Variants in AMY2A observed in about 807,000 individuals in gnomAD.
AMY2A encodes the protein amylase alpha 2A, also known as pancreatic alpha-amylase.
A neutral mutation model predicts 43.0 loss-of-function variants in AMY2A; 16 were observed. The observed-to-expected ratio is 0.37, with a 90% CI of 0.25 to 0.56. The LOEUF is 0.56. AMY2A is among the 20% of genes least tolerant of loss of function. AMY2A has a pLI of 0.77. For missense variants in AMY2A, 212 were observed against 456.8 expected (o/e 0.46, Z 4.89); for synonymous variants, 70 against 144.6 (o/e 0.48, Z 3.70).
chr1:103,618,895 A>G lies in AMY2A; in HGVS notation c.316-16A>G. ...CTCTCTGTAAGTCACACTGAAGTAGAAACTTTGTTTTCTAGGTTCGTATTT... is the reference window on the plus strand; with the variant it reads ...CTCTCTGTAAGTCACACTGAAGTAGGAACTTTGTTTTCTAGGTTCGTATTT... On this transcript the variant is annotated splice_polypyrimidine_tract_variant and intron_variant, in intron 2 of 9. Coordinates refer to ENST00000414303, the MANE Select transcript of AMY2A (RefSeq NM_000699.4). 1.0e-6 allele frequency: 1 copy of G among 974,622 alleles called. No individual in the cohort carries two copies. Among genetic ancestry groups the G allele is most frequent in the Non-Finnish European group, 1.5e-6 (1 of 670,382 alleles). 60.4% of individuals were successfully genotyped at this position (974,622 alleles called of 1,614,324 possible).
rs749233718 is a variant in AMY2A at position 103,619,023 on chromosome 1, C to G, written c.428C>G (p.Ala143Gly). ...YFNPGSRDFP[A>G]VPYSGWDFND... Reference sequence around the variant, plus strand: ...AACCCTGGAAGTAGGGACTTTCCAGCAGTCCCATATTCTGGATGGGATTTC... The same window carrying G: ...AACCCTGGAAGTAGGGACTTTCCAGGAGTCCCATATTCTGGATGGGATTTC... The change falls in exon 3 of 10, where the codon GCA becomes GGA. Residue 143 changes from alanine (A) to glycine (G), a missense_variant. By Grantham distance (60) the Ala-to-Gly change is moderately conservative. This residue lies in a region of AMY2A where 199 missense variants were observed against 210.6 expected (regional missense o/e 0.94). Coordinates refer to ENST00000414303, the MANE Select transcript of AMY2A (RefSeq NM_000699.4). 3 of 1,310,132 alleles carry G rather than the reference C, an allele frequency of 2.3e-6. No individual in the cohort carries two copies. Among genetic ancestry groups the G allele is most frequent in the Non-Finnish European group, 1.0e-6 (1 of 966,272 alleles). 81.2% of individuals were successfully genotyped at this position (1,310,132 alleles called of 1,614,324 possible).
At chr1:103,617,770 T>C (rs1441877120) in intron 1 of AMY2A, among the ~76,000 whole-genome samples, 162 bp downstream of exon 1, 2 of 150,696 alleles carry the variant, frequency 1.3e-5, no homozygotes, top group African/African-American at 4.8e-5. Context: ...TTGGCAACTT[T>C]ATATTTTGTT....
intron 2 of AMY2A, among the ~76,000 whole-genome samples, chr1:103,618,381 A>G (rs536557674): frequency 1.3e-5 from 2 of 150,816 alleles, no homozygotes; most frequent in African/African-American, 2.4e-5. Flanking sequence ...CCCGGAAACA[A>G]TTTACTGGTT....
chr1:103,618,227 A>C (rs1193127102), intron 2 of AMY2A, 127 bp downstream of exon 2: 1 of 1,397,364 alleles, frequency 7.2e-7, no homozygotes. Context: ...ATAATTTAAA[A>C]CTCAAAATTA....
At chr1:103,618,277 T>C (rs1311610655) in intron 2 of AMY2A, among the ~76,000 whole-genome samples, 177 bp downstream of exon 2, 2 of 150,856 alleles carry the variant, frequency 1.3e-5, no homozygotes, top group Non-Finnish European at 3.0e-5. Context: ...TATTTGTGTG[T>C]GTGCTATCTA....
chr1:103,618,579 C>T (rs543796826), intron 2 of AMY2A, among the ~76,000 whole-genome samples: 1 of 150,610 alleles, frequency 6.6e-6, no homozygotes, highest in East Asian at 1.9e-4. Context: ...CTCCTGGTGA[C>T]CCACTGAAAT....
In AMY2A at chr1:103,619,038, G is replaced by C. The variant is rs761587640; in HGVS notation, c.443G>C (p.Gly148Ala). 2.2e-5 allele frequency: 28 copies of C among 1,293,792 alleles called. No individual in the cohort carries two copies. The highest frequency in any genetic ancestry group is 5.9e-5 in the South Asian group (4 of 67,728). 80.1% of individuals were successfully genotyped at this position (1,293,792 alleles called of 1,614,324 possible). The change falls in exon 3 of 10, where the codon GGA (glycine) becomes GCA (alanine). Residue 148 changes from glycine to alanine, a missense_variant. Physicochemically the swap from Gly to Ala is moderately conservative, Grantham distance 60. Transcript: ENST00000414303. Reference sequence around the variant, plus strand: ...GACTTTCCAGCAGTCCCATATTCTGGATGGGATTTCAATGATGGTAAATGT... The same window carrying C: ...GACTTTCCAGCAGTCCCATATTCTGCATGGGATTTCAATGATGGTAAATGT... ...SRDFPAVPYS[G>A]WDFNDGKCKT...
At position 103,619,095 on chromosome 1, in the gene AMY2A, A is replaced by G. The variant is rs1476198833; in HGVS notation, c.500A>G (p.Asn167Ser). Reference protein sequence around the residue: ...KTGSGDIENYNDATQVRDCRL... With the variant: ...KTGSGDIENYSDATQVRDCRL... ...GGAAGTGGAGATATCGAGAACTACAATGATGCTACTCAGGTAATTTTTTTA... is the reference window on the plus strand; with the variant it reads ...GGAAGTGGAGATATCGAGAACTACAGTGATGCTACTCAGGTAATTTTTTTA... The change falls in exon 3 of 10, where the codon AAT becomes AGT. Residue 167 changes from asparagine (N) to serine (S), a missense_variant. By Grantham distance (46) the Asn-to-Ser change is conservative. This residue lies in a region of AMY2A where 199 missense variants were observed against 210.6 expected (regional missense o/e 0.94). Transcript: ENST00000414303. 1.8e-6 allele frequency: 2 copies of G among 1,134,084 alleles called. No homozygotes were observed. The highest frequency in any genetic ancestry group is 2.6e-5 in the East Asian group (1 of 38,358). 70.3% of individuals were successfully genotyped at this position (1,134,084 alleles called of 1,614,324 possible).
chr1:103,617,032 G>T (rs1653094859), upstream of AMY2A: 2 of 1,029,376 alleles, frequency 1.9e-6, no homozygotes, highest in Non-Finnish European at 2.4e-6. Flanking sequence ...TACTTACCTT[G>T]AGTTGGAAGG....
chr1:103,617,998 A>T lies in AMY2A; in HGVS notation c.213A>T (p.Arg71Ser). 6.2e-7 allele frequency: 1 copy of T among 1,600,682 alleles called. No homozygotes were observed. Among genetic ancestry groups the T allele is most frequent in the Non-Finnish European group, 8.5e-7 (1 of 1,170,714 alleles). Residue 71 changes from arginine to serine, a missense_variant, in exon 2 of 10, where the codon AGA (arginine) becomes AGT (serine). Around this residue, in one of 2 missense-constraint regions of AMY2A, gnomAD observed 199 missense variants for 210.6 expected, o/e 0.94. Coordinates refer to ENST00000414303, the MANE Select transcript of AMY2A (RefSeq NM_000699.4). ...NENVAIYNPF[R>S]PWWERYQPVS... ...ATGTTGCAATTTACAACCCTTTCAG[A>T]CCTTGGTGGGAAAGATACCAACCAG... is the stretch of plus-strand genomic sequence containing the variant.
intron 2 of AMY2A, 63 bp from the exon 3 acceptor site, chr1:103,618,848 C>T: frequency 1.6e-6 from 1 of 613,824 alleles, no homozygotes; most frequent in Non-Finnish European, 2.9e-6. Context: ...AAACTTGCAT[C>T]AATAATGCTT....
rs575528406 is a variant in AMY2A at position 103,617,652 on chromosome 1, G to A, written c.168+44G>A. 4.5e-5 allele frequency: 72 copies of A among 1,600,838 alleles called. No homozygotes were observed. The South Asian group carries it at 6.9e-4, about 15-fold the overall frequency. On this transcript the variant is annotated intron_variant, in intron 1 of 9. Coordinates refer to ENST00000414303, the MANE Select transcript of AMY2A (RefSeq NM_000699.4). ...ATCAATTGCGGAATTCACTGTGCTTGTAGGAAATAGTATTCTGATCTTATC... is the reference window on the plus strand; with the variant it reads ...ATCAATTGCGGAATTCACTGTGCTTATAGGAAATAGTATTCTGATCTTATC...
chr1:103,617,867 C>CT, intron 1 of AMY2A, 87 bp from the exon 2 acceptor site: 1 of 1,584,146 alleles, frequency 6.3e-7, no homozygotes, highest in Non-Finnish European at 8.6e-7. Flanking sequence ...ATTCAAGAAT[C>CT]TTTTATACTA....
intron 2 of AMY2A, among the ~76,000 whole-genome samples, chr1:103,618,667 T>C (rs1653147785): frequency 6.6e-6 from 1 of 150,722 alleles, no homozygotes; most frequent in Admixed American, 6.6e-5. Flanking sequence ...CTCCTATTTA[T>C]GGTAGTTTCT....
chr1:103,620,004 C>G (rs1232298276), intron 4 of AMY2A, among the ~76,000 whole-genome samples: 3 of 151,282 alleles, frequency 2.0e-5, no homozygotes, highest in Admixed American at 6.6e-5. Context: ...ATAGTTATGT[C>G]TTTACTTTCT....
upstream of AMY2A, chr1:103,616,907 G>C: frequency 1.2e-6 from 1 of 831,352 alleles, no homozygotes; most frequent in South Asian, 4.1e-5. Flanking sequence ...AGGCTGGTAA[G>C]GGCTTCTGGA....
upstream of AMY2A, chr1:103,617,193 A>T: frequency 9.2e-7 from 1 of 1,082,556 alleles, no homozygotes; most frequent in Non-Finnish European, 1.3e-6. Flanking sequence ...GTCACTGTTT[A>T]AGGAAAAATA....
At chr1:103,617,154 T>A (rs1467333238), upstream of AMY2A, 1 of 977,340 alleles carries the variant, frequency 1.0e-6, no homozygotes, top group East Asian at 3.4e-5. Flanking sequence ...TTTCTACTGT[T>A]ATGTGAGAAC....
chr1:103,617,107 A>G, upstream of AMY2A: 1 of 964,750 alleles, frequency 1.0e-6, no homozygotes, highest in Non-Finnish European at 1.4e-6. Flanking sequence ...TTTGTATGCC[A>G]TTCTGGATCT....
Sources: gnomAD v4.1 joint callset for allele counts (sites outside exome capture counted in the v4.1 genomes callset) on GRCh38, gnomAD v4.1.1 for gene constraint, gnomAD v4.1.1 regional missense constraint, MANE v1.5 for transcripts, NCBI Gene and HGNC (gene_info 2026-07-23, HGNC 2026-07-21) for gene names.